The following NELL1 variants were observed in gnomAD, a reference collection of about 807,000 sequenced individuals.
NELL1 encodes neural EGFL like 1.
In NELL1, 76 loss-of-function variants were observed where a neutral mutation model predicts 107.4. The observed-to-expected ratio is 0.71, with a 90% CI of 0.59 to 0.86. The LOEUF (loss-of-function observed/expected upper bound fraction) is 0.86, where lower values mean the gene tolerates loss of function less well. NELL1 is among the 40% of genes least tolerant of loss of function. The pLI, the probability that NELL1 is intolerant of heterozygous loss-of-function variation, is 0.00. For synonymous variants in NELL1, 353 were observed against 341.2 expected, an observed-to-expected ratio of 1.03 and a Z score of -0.38; for missense variants, 1,024 against 1,005.5, an observed-to-expected ratio of 1.02 and a Z score of -0.25.
At chr11:21,484,664 A>G (rs1854582225) in intron 15 of NELL1, among the ~76,000 whole-genome samples, 3 of 152,104 alleles carry the variant, frequency 2.0e-5, no homozygotes, top group Admixed American at 2.0e-4. Flanking sequence ...TGTACATTAC[A>G]TATGTACATA....
intron 15 of NELL1, among the ~76,000 whole-genome samples, chr11:21,438,246 T>G (rs1421724842): frequency 6.9e-6 from 1 of 144,800 alleles, no homozygotes; most frequent in Non-Finnish European, 1.5e-5. Flanking sequence ...TGGTGCAGTA[T>G]TCTTACATGA....
chr11:20,693,967 T>C (rs1378190287), intron 2 of NELL1, among the ~76,000 whole-genome samples: 2 of 152,102 alleles, frequency 1.3e-5, no homozygotes. Flanking sequence ...CCATATTTCT[T>C]GGAGGCTTTG....
chr11:21,058,223 T>A (rs1853656853), intron 12 of NELL1, among the ~76,000 whole-genome samples: 1 of 152,146 alleles, frequency 6.6e-6, no homozygotes, highest in South Asian at 2.1e-4. Flanking sequence ...GCATACAGAT[T>A]CATAAGTTCA....
chr11:20,876,531 C>T (rs752135933), intron 4 of NELL1, among the ~76,000 whole-genome samples: 43 of 152,108 alleles, frequency 2.8e-4, no homozygotes, highest in Admixed American at 1.3e-4. Flanking sequence ...TTTGGGAGGC[C>T]GAGGCGGTGG....
intron 15 of NELL1, among the ~76,000 whole-genome samples, chr11:21,419,864 T>C (rs1342416084): frequency 2.0e-5 from 3 of 152,192 alleles, no homozygotes; most frequent in Non-Finnish European, 4.4e-5. Context: ...TTATTCCTGA[T>C]ACTTATACAA....
At chr11:20,707,014 A>G (rs1018110192) in intron 2 of NELL1, among the ~76,000 whole-genome samples, 6 of 152,192 alleles carry the variant, frequency 3.9e-5, no homozygotes, top group Admixed American at 3.3e-4. Flanking sequence ...AATCAGATGT[A>G]GACTTGGTCT....
chr11:20,683,220 C>T (rs1173693418), intron 2 of NELL1, among the ~76,000 whole-genome samples: 2 of 151,992 alleles, frequency 1.3e-5, no homozygotes, highest in African/African-American at 4.8e-5. Context: ...CTCCTGACTA[C>T]ATTGTTATTT....
chr11:21,390,540 T>C (rs200708786), intron 15 of NELL1, among the ~76,000 whole-genome samples: 5 of 145,188 alleles, frequency 3.4e-5, no homozygotes, highest in South Asian at 4.6e-4. Flanking sequence ...CACACACACG[T>C]GCGCACGCAC....
chr11:21,566,799 T>C (rs1321513274), intron 17 of NELL1, among the ~76,000 whole-genome samples: 3 of 151,894 alleles, frequency 2.0e-5, no homozygotes, highest in Admixed American at 1.3e-4. Flanking sequence ...ATTGTATTAA[T>C]GGAGTCACCT....
At chr11:20,917,851 C>A (rs1260353961) in intron 5 of NELL1, among the ~76,000 whole-genome samples, 1 of 151,884 alleles carries the variant, frequency 6.6e-6, no homozygotes, top group Admixed American at 6.6e-5. Context: ...TCCTGTAAAT[C>A]AGCAATATTT....
At chr11:20,855,735 T>G (rs983606700) in intron 4 of NELL1, among the ~76,000 whole-genome samples, 1 of 152,176 alleles carries the variant, frequency 6.6e-6, no homozygotes, top group Admixed American at 6.5e-5. Context: ...ACCAGAACAA[T>G]ACACCTGGTG....
intron 3 of NELL1, among the ~76,000 whole-genome samples, chr11:20,816,215 C>T (rs545677676): frequency 1.3e-5 from 2 of 152,080 alleles, no homozygotes; most frequent in Non-Finnish European, 2.9e-5. Flanking sequence ...TTAGGAATAG[C>T]GTTGAATCTG....
intron 15 of NELL1, among the ~76,000 whole-genome samples, chr11:21,525,410 T>C (rs556509635): frequency 2.2e-4 from 33 of 152,310 alleles, no homozygotes; most frequent in African/African-American, 7.9e-4. Flanking sequence ...TTATTGGAAC[T>C]TGTTTGTGAG....
intron 14 of NELL1, among the ~76,000 whole-genome samples, chr11:21,347,165 C>A (rs1850700776): frequency 6.6e-6 from 1 of 152,090 alleles, no homozygotes; most frequent in African/African-American, 2.4e-5. Flanking sequence ...CAAGGCATTT[C>A]CGAGGAGTTG....
intron 13 of NELL1, among the ~76,000 whole-genome samples, chr11:21,155,039 CAGT>C (rs1287010960): frequency 6.6e-6 from 1 of 152,058 alleles, no homozygotes; most frequent in Non-Finnish European, 1.5e-5. Context: ...TGGTAAGAGA[CAGT>C]GGTCTGAAGA....
intron 14 of NELL1, among the ~76,000 whole-genome samples, chr11:21,303,578 AC>A (rs1849544500): frequency 6.6e-6 from 1 of 152,038 alleles, no homozygotes. Flanking sequence ...AATTAGTACA[AC>A]CTCTATAGAA....
chr11:21,086,512 C>T (rs371603606), intron 12 of NELL1, among the ~76,000 whole-genome samples: 16 of 152,006 alleles, frequency 1.1e-4, no homozygotes, highest in Middle Eastern at 3.2e-3. Flanking sequence ...AGTCTGATAC[C>T]GGAATCTTCA....
chr11:21,248,989 A>T (rs1347106777), intron 14 of NELL1, among the ~76,000 whole-genome samples: 1 of 152,180 alleles, frequency 6.6e-6, no homozygotes, highest in East Asian at 1.9e-4. Flanking sequence ...TAAAGGGATA[A>T]GGTTGAACCA....
rs1857142489 is a variant in NELL1 at position 21,573,131 on chromosome 11, A to G, written c.2158-54A>G. On this transcript the variant is annotated intron_variant, in intron 18 of 19. Coordinates refer to ENST00000357134, the MANE Select transcript of NELL1 (RefSeq NM_006157.5). ...CTCTTTCCCCTTCTATGACTTTGGGAATAAAATTATGCATAGGAACAATAA... is the reference window on the plus strand; with the variant it reads ...CTCTTTCCCCTTCTATGACTTTGGGGATAAAATTATGCATAGGAACAATAA... 10 of 1,359,996 alleles carry G rather than the reference A, an allele frequency of 7.4e-6. No homozygotes were observed. The South Asian group carries it at 9.7e-5, about 13-fold the overall frequency. The allele number at this position is 1,359,996 out of a possible 1,614,324, so 84.2% of individuals were successfully genotyped here.
Sources: allele counts gnomAD v4.1 joint callset (sites outside exome capture counted in the v4.1 genomes callset), GRCh38; gene constraint gnomAD v4.1.1; transcripts MANE v1.5; gene names NCBI Gene and HGNC (gene_info 2026-07-23, HGNC 2026-07-21).